Variants in CPT1B observed in about 807,000 individuals in gnomAD.
CPT1B encodes carnitine O-palmitoyltransferase 1, muscle isoform.
CPT1B carries 57 observed loss-of-function variants against 92.7 expected under a neutral mutation model. The observed-to-expected ratio is 0.62, with a 90% CI of 0.50 to 0.77. The LOEUF is 0.77. CPT1B is among the 30% of genes least tolerant of loss of function. The probability of loss-of-function intolerance (pLI) is 0.00; values close to 1 mark genes in which losing one functional copy is unlikely to be tolerated. For synonymous variants in CPT1B, 398 were observed against 383.5 expected, an observed-to-expected ratio of 1.04 and a Z score of -0.44; for missense variants, 983 against 1,017.4, an observed-to-expected ratio of 0.97 and a Z score of 0.46.
chr22:50,577,554 T>C (rs2070510227), intron 2 of CPT1B, 91 bp from the exon 3 acceptor site: 2 of 1,532,560 alleles, frequency 1.3e-6, no homozygotes, highest in African/African-American at 1.4e-5. Context: ...GGTCTTGGCC[T>C]GGAAGGCTTT....
intron 7 of CPT1B, chr22:50,574,806 ATTCT>A: frequency 1.8e-6 from 1 of 558,926 alleles, no homozygotes; most frequent in Non-Finnish European, 3.2e-6. Context: ...GAGCTGCTTT[ATTCT>A]TTATTTTTTA....
chr22:50,577,351 C>T lies in CPT1B; in HGVS notation c.254G>A (p.Ser85Asn). ...CTGAGGGAGGCATCTCTGGATGCAA[C>T]TGACCAGCCCCAAGGAGATGTCCAC... ...CNVDISLGLV[S>N]CIQRCLPQGC... Residue 85 changes from serine (S) to asparagine (N), a missense_variant, in exon 3 of 20, where the codon AGT becomes AAT. Ser to Asn is a conservative substitution (Grantham distance 46). Transcript: ENST00000312108. The T allele has an allele frequency of 6.2e-7, 1 of 1,613,920 alleles. No homozygotes were observed. The highest frequency in any genetic ancestry group is 8.5e-7 in the Non-Finnish European group (1 of 1,179,992).
chr22:50,576,154 A>G (rs1359352464), intron 6 of CPT1B, 42 bp from the exon 7 acceptor site: 3 of 1,613,980 alleles, frequency 1.9e-6, no homozygotes, highest in Non-Finnish European at 2.5e-6. Context: ...GGGTGCAGCC[A>G]GGACACATGG....
In CPT1B at chr22:50,576,612, C is replaced by T. The variant is rs368302579; in HGVS notation, c.485G>A (p.Arg162Gln). 164 of 1,610,046 alleles carry T rather than the reference C, an allele frequency of 1.0e-4. No homozygotes were observed. Among genetic ancestry groups the T allele is most frequent in the Admixed American group, 2.4e-4 (14 of 59,212 alleles). ...WAMCIRLLSSRHPMLYSFQTS... is the reference protein window; with the variant it reads ...WAMCIRLLSSQHPMLYSFQTS... ...CTGGAAGCTGTAGAGCATAGGGTGC[C>T]GGCTGGATAGAAGGCGGATACACAT... is the stretch of plus-strand genomic sequence containing the variant. Residue 162 changes from arginine to glutamine, a missense_variant, in exon 5 of 20, where the codon CGG becomes CAG. Coordinates refer to ENST00000312108, the MANE Select transcript of CPT1B (RefSeq NM_152246.3).
chr22:50,571,625 G>A (rs1454850056), intron 13 of CPT1B, 86 bp from the exon 14 acceptor site: 1 of 1,440,940 alleles, frequency 6.9e-7, no homozygotes, highest in Non-Finnish European at 9.5e-7. Context: ...ACGTTTAGCT[G>A]GTGGAGAAAG....
Position 50,573,250 on chromosome 22 carries a change from G to T in CPT1B, c.1167-190C>A, listed in dbSNP as rs1425153305. 3.5e-6 allele frequency: 2 copies of T among 578,768 alleles called. No homozygotes were observed. Among genetic ancestry groups the T allele is most frequent in the Non-Finnish European group, 5.9e-6 (2 of 336,372 alleles). The allele number at this position is 578,768 out of a possible 1,614,324, so 35.9% of individuals were successfully genotyped here. ...GGTGTTGGGGTGCGTGCCAGGCTGC[G>T]CCTGGAGGTGGGGGTGTGTGTGCCA... On this transcript the variant is annotated intron_variant, in intron 10 of 19. Coordinates refer to ENST00000312108, the MANE Select transcript of CPT1B (RefSeq NM_152246.3). The surrounding 1 kb of genome is among the most constrained non-coding windows in gnomAD (Gnocchi z 5.0).
chr22:50,572,320 G>A lies in CPT1B; in HGVS notation c.1353-12C>T. 1 of 1,588,130 alleles carries A rather than the reference G, an allele frequency of 6.3e-7. No individual in the cohort carries two copies. The highest frequency in any genetic ancestry group is 8.6e-7 in the Non-Finnish European group (1 of 1,156,910). ...ATTTGTCAAACCACCTGCAGGAAGA[G>A]TAGACACATGAAGAACCAAAGCTGG... is the stretch of plus-strand genomic sequence containing the variant. On this transcript the variant is annotated splice_polypyrimidine_tract_variant and intron_variant, in intron 11 of 19. Coordinates refer to ENST00000312108, the MANE Select transcript of CPT1B (RefSeq NM_152246.3).
chr22:50,575,998 T>A, intron 7 of CPT1B, 37 bp downstream of exon 7: 2 of 1,599,396 alleles, frequency 1.3e-6, no homozygotes, highest in Non-Finnish European at 1.7e-6. Flanking sequence ...GGGACAGAGC[T>A]GAGCACGTGC....
chr22:50,571,225 T>C lies in CPT1B; in HGVS notation c.1808A>G (p.Glu603Gly). The change falls in exon 15 of 20, where the codon GAG (glutamate) becomes GGG (glycine). Residue 603 changes from glutamate (E) to glycine (G), a missense_variant. Coordinates refer to ENST00000312108, the MANE Select transcript of CPT1B (RefSeq NM_152246.3). ...CTCGCTGGTACAGGAACGCACAGTC[T>C]CAGTCCGTCCCTCCCGGAACATTCT... ...MTRMFREGRT[E>G]TVRSCTSEST... The C allele has an allele frequency of 6.2e-7, 1 of 1,614,098 alleles. No individual in the cohort carries two copies. Among genetic ancestry groups the C allele is most frequent in the Non-Finnish European group, 8.5e-7 (1 of 1,180,018 alleles).
At position 50,573,462 on chromosome 22, in the gene CPT1B, C is replaced by T. The variant is rs1458396600; in HGVS notation, c.1166+58G>A. 6 of 1,476,808 alleles carry T rather than the reference C, an allele frequency of 4.1e-6. No individual in the cohort carries two copies. In the East Asian group the frequency reaches 1.4e-4, roughly 34 times the overall value. The allele number at this position is 1,476,808 out of a possible 1,614,324, so 91.5% of individuals were successfully genotyped here. On this transcript the variant is annotated intron_variant, in intron 10 of 19. Transcript: ENST00000312108. The surrounding 1 kb of genome is among the most constrained non-coding windows in gnomAD (Gnocchi z 5.0). ...CAGGGTGGCAGGCAGGGCCACGCTCCTCTCCTCACGGAGCCCTGAACTCAG... is the reference window on the plus strand; with the variant it reads ...CAGGGTGGCAGGCAGGGCCACGCTCTTCTCCTCACGGAGCCCTGAACTCAG...
At chr22:50,576,701 C>T (rs747354970) in intron 4 of CPT1B, 64 bp from the exon 5 acceptor site, 1 of 1,569,434 alleles carries the variant, frequency 6.4e-7, no homozygotes, top group South Asian at 1.1e-5. Flanking sequence ...CAACCAGCAA[C>T]TCCCTGAGAC....
intron 2 of CPT1B, 48 bp downstream of exon 2, chr22:50,577,727 C>A: frequency 6.2e-7 from 1 of 1,601,230 alleles, no homozygotes; most frequent in Non-Finnish European, 8.5e-7. Flanking sequence ...CGCTTAACAG[C>A]TGACAGCCGG....
In CPT1B at chr22:50,573,457, C is replaced by T. The variant is rs988553189; in HGVS notation, c.1166+63G>A. 1.4e-5 allele frequency: 20 copies of T among 1,451,680 alleles called. 1 individual carries two copies. Among genetic ancestry groups the T allele is most frequent in the Middle Eastern group, 1.8e-4 (1 of 5,522 alleles). 89.9% of individuals were successfully genotyped at this position (1,451,680 alleles called of 1,614,324 possible). A position where few individuals can be genotyped will look rare whatever the true frequency, so the allele number is the denominator to read the frequency against. ...AGTTCCAGGGTGGCAGGCAGGGCCACGCTCCTCTCCTCACGGAGCCCTGAA... is the reference window on the plus strand; with the variant it reads ...AGTTCCAGGGTGGCAGGCAGGGCCATGCTCCTCTCCTCACGGAGCCCTGAA... On this transcript the variant is annotated intron_variant, in intron 10 of 19. Coordinates refer to ENST00000312108, the MANE Select transcript of CPT1B (RefSeq NM_152246.3). This position sits in a 1 kb window ranked among gnomAD's most constrained non-coding sequence, Gnocchi z 5.0.
rs753269865 is a variant in CPT1B, at chr22:50,569,056, C to T, written c.*28G>A. On this transcript the variant is annotated 3_prime_UTR_variant, in exon 20 of 20. Transcript: ENST00000312108. ...GGGGAGGGGGAGGGCCTCCGAGTTC[C>T]CAAACAAAACACAGGTACCTAAGGG... 6 of 336,264 alleles carry T rather than the reference C, an allele frequency of 1.8e-5. No homozygotes were observed. The Admixed American group carries it at 1.8e-4, about 10-fold the overall frequency. The allele number at this position is 336,264 out of a possible 1,614,324, so 20.8% of individuals were successfully genotyped here.
At chr22:50,574,696 G>A in intron 7 of CPT1B, 96 bp from the exon 8 acceptor site, 3 of 913,586 alleles carry the variant, frequency 3.3e-6, no homozygotes, top group Non-Finnish European at 5.4e-6. Flanking sequence ...GGCCTGAGGT[G>A]TTCTGTCTCC....
intron 3 of CPT1B, 23 bp from the exon 4 acceptor site, chr22:50,577,057 G>A (rs2070476381): frequency 6.2e-7 from 1 of 1,611,192 alleles, no homozygotes; most frequent in Admixed American, 1.7e-5. Flanking sequence ...GGCAAGGGCT[G>A]CAGGGGGTCC....
At chr22:50,570,835 AG>A in intron 16 of CPT1B, 55 bp downstream of exon 16, 1 of 1,584,872 alleles carries the variant, frequency 6.3e-7, no homozygotes, top group Non-Finnish European at 8.6e-7. Context: ...AGATGGCCCA[AG>A]CCCTGCGTGT....
At chr22:50,576,827 G>A (rs1378112493) in intron 4 of CPT1B, 30 bp downstream of exon 4, 1 of 1,613,096 alleles carries the variant, frequency 6.2e-7, no homozygotes, top group Admixed American at 1.7e-5. Context: ...CAACCCAGGT[G>A]CCTGAACCCC....
rs1402167978 is a variant in CPT1B at position 50,573,346 on chromosome 22, G to A, written c.1166+174C>T. Among the ~76,000 whole-genome samples, 1 of 152,108 alleles carries A rather than the reference G, an allele frequency of 6.6e-6. No individual in the cohort carries two copies. The highest frequency in any genetic ancestry group is 1.9e-4 in the East Asian group (1 of 5,186). On this transcript the variant is annotated intron_variant, in intron 10 of 19. Coordinates refer to ENST00000312108, the MANE Select transcript of CPT1B (RefSeq NM_152246.3). The surrounding 1 kb of genome is among the most constrained non-coding windows in gnomAD (Gnocchi z 5.0). The stretch of plus-strand genomic sequence containing the variant: ...CCCCACCCTCTGCACACTTCACCTG[G>A]CTGCCACCCGTCAGAGGTAGGTTAT...
Sources: allele counts gnomAD v4.1 joint callset (sites outside exome capture counted in the v4.1 genomes callset), GRCh38; gene constraint gnomAD v4.1.1; non-coding constraint Gnocchi (gnomAD v3.1); transcripts MANE v1.5; gene names NCBI Gene and HGNC (gene_info 2026-07-23, HGNC 2026-07-21).